PPM1B: variants seen among roughly 807,000 people sequenced by gnomAD.
PPM1B encodes the protein protein phosphatase 1B.
PPM1B carries 22 observed loss-of-function variants against 43.0 expected under a neutral mutation model. That is an observed-to-expected ratio of 0.51 (90% CI 0.37 to 0.73). The LOEUF (loss-of-function observed/expected upper bound fraction) is 0.73, where lower values mean the gene tolerates loss of function less well. Among genes scored for constraint, PPM1B ranks in the 30% least tolerant of loss-of-function variants. PPM1B has a pLI of 0.00. For synonymous variants in PPM1B, 217 were observed against 197.9 expected (o/e 1.10, Z -0.81); for missense variants, 632 against 584.2 (o/e 1.08, Z -0.84).
chr2:44,232,874 C>T (rs1670507624), downstream of PPM1B: 1 of 973,842 alleles, frequency 1.0e-6, no homozygotes, highest in Non-Finnish European at 1.2e-6. Context: ...AATTTTTTTC[C>T]AATTTTACCT....
At chr2:44,184,730 G>C (rs763829899) in intron 1 of PPM1B, among the ~76,000 whole-genome samples, 5 of 151,948 alleles carry the variant, frequency 3.3e-5, no homozygotes, top group East Asian at 3.9e-4. Flanking sequence ...TCTTAAGCTG[G>C]AGCCCACAGA....
chr2:44,205,187 A>G (rs1393739225), intron 2 of PPM1B, among the ~76,000 whole-genome samples: 1 of 152,190 alleles, frequency 6.6e-6, no homozygotes, highest in African/African-American at 2.4e-5. Flanking sequence ...TTAATTTGCA[A>G]GTAAGGAAAT....
rs551310649 is a variant in PPM1B, at chr2:44,229,287, A to C, written c.1135-1126A>C. 2.4e-4 allele frequency among the ~76,000 whole-genome samples: 37 copies of C among 152,248 alleles called. No individual in the cohort carries two copies. The South Asian group carries it at 7.5e-3, about 31-fold the overall frequency. ...ATTTATTTTTAATTTTTGTGGGTAC[A>C]CTGTAGGTGTATAAAAAAATAAATT... On this transcript the variant is annotated intron_variant, in intron 5 of 5. Coordinates refer to ENST00000282412, the MANE Select transcript of PPM1B (RefSeq NM_002706.6).
Position 44,177,337 on chromosome 2 carries a change from G to C in PPM1B, c.-15+8063G>C, listed in dbSNP as rs1200743535. 2.0e-5 allele frequency among the ~76,000 whole-genome samples: 3 copies of C among 151,244 alleles called. No individual in the cohort carries two copies. The East Asian group carries it at 5.8e-4, about 29-fold the overall frequency. ...TTTATTAAGTCTTTGGTGGTTGCTA[G>C]TCCTAAACTTAAGGAAATTGAGTTT... On this transcript the variant is annotated intron_variant, in intron 1 of 5. Coordinates refer to ENST00000282412, the MANE Select transcript of PPM1B (RefSeq NM_002706.6).
At chr2:44,185,424 G>T (rs1181133057) in intron 1 of PPM1B, among the ~76,000 whole-genome samples, 1 of 152,154 alleles carries the variant, frequency 6.6e-6, no homozygotes, top group African/African-American at 2.4e-5. Context: ...TATTCAGTGT[G>T]ATAGATTTTT....
intron 5 of PPM1B, 168 bp from the exon 6 acceptor site, chr2:44,230,245 G>T: frequency 7.0e-7 from 1 of 1,423,788 alleles, no homozygotes. Flanking sequence ...ATTATTGGAA[G>T]TTTTTATTAA....
At chr2:44,185,717 G>T (rs1484581738) in intron 1 of PPM1B, among the ~76,000 whole-genome samples, 5 of 151,750 alleles carry the variant, frequency 3.3e-5, no homozygotes, top group Non-Finnish European at 5.9e-5. Context: ...AGCTTTTGGA[G>T]AATTATTGAA....
chr2:44,214,176 T>C (rs1669613174), intron 3 of PPM1B, among the ~76,000 whole-genome samples: 1 of 152,132 alleles, frequency 6.6e-6, no homozygotes, highest in South Asian at 2.1e-4. Flanking sequence ...GCTGCCCGGG[T>C]TCACACCATT....
In PPM1B at chr2:44,205,344, TGTGGG is replaced by T. The variant is rs1669129979; in HGVS notation, c.846+3300_846+3304del. Among the ~76,000 whole-genome samples the T allele has an allele frequency of 4.8e-5, 7 of 146,642 alleles. No individual in the cohort carries two copies. The South Asian group carries it at 1.5e-3, about 32-fold the overall frequency. On this transcript the variant is annotated intron_variant, in intron 2 of 5. Coordinates refer to ENST00000282412, the MANE Select transcript of PPM1B (RefSeq NM_002706.6). ...TAAAATAAAGAAGAGTGGGTGTGGG[TGTGGG>T]TGTGGGTGTGTGTGTGTGTGTGTGT...
intron 1 of PPM1B, among the ~76,000 whole-genome samples, chr2:44,192,280 C>T (rs1668444656): frequency 2.0e-5 from 3 of 151,662 alleles, no homozygotes; most frequent in South Asian, 2.1e-4. Context: ...TGCAGTGGCA[C>T]GATCTCGGCT....
chr2:44,245,050 T>C (rs909873275), downstream of PPM1B, among the ~76,000 whole-genome samples: 2 of 152,064 alleles, frequency 1.3e-5, no homozygotes, highest in African/African-American at 4.8e-5. Context: ...CCATGCTGAT[T>C]GCTTTAACAC....
At chr2:44,198,878 G>T (rs1668786481) in intron 1 of PPM1B, among the ~76,000 whole-genome samples, 1 of 152,164 alleles carries the variant, frequency 6.6e-6, no homozygotes, top group South Asian at 2.1e-4. Context: ...AAGGGAGAAT[G>T]AATTAGTTTA....
Position 44,192,096 on chromosome 2 carries a change from AT to A in PPM1B, c.-14-9078del, listed in dbSNP as rs375145235. 9.1e-3 allele frequency among the ~76,000 whole-genome samples: 851 copies of A among 93,716 alleles called. 3 individuals are homozygous for A. The highest frequency in any genetic ancestry group is 0.023 in the African/African-American group (560 of 24,886). The allele number at this position is 93,716 out of a possible 152,430, so 61.5% of individuals were successfully genotyped here. A position where few individuals can be genotyped will look rare whatever the true frequency, so the allele number is the denominator to read the frequency against. On this transcript the variant is annotated intron_variant, in intron 1 of 5. Coordinates refer to ENST00000282412, the MANE Select transcript of PPM1B (RefSeq NM_002706.6). Reference sequence around the variant, plus strand: ...AGGGGTCTGGGGGATTTTACTTTTGATTTTTTTTTTTTCAGTTTGATTTTCT... The same window carrying A: ...AGGGGTCTGGGGGATTTTACTTTTGATTTTTTTTTTTCAGTTTGATTTTCT...
chr2:44,200,795 CAT>C (rs1668896674), intron 1 of PPM1B, among the ~76,000 whole-genome samples: 1 of 152,206 alleles, frequency 6.6e-6, no homozygotes, highest in Admixed American at 6.5e-5. Context: ...TGTAAACTTA[CAT>C]GTCGAACCCT....
chr2:44,227,450 A>G (rs1467971847), intron 5 of PPM1B, among the ~76,000 whole-genome samples: 2 of 151,966 alleles, frequency 1.3e-5, no homozygotes, highest in African/African-American at 4.8e-5. Context: ...GTATTTTTAC[A>G]TATGCTAACA....
At chr2:44,206,572 G>A (rs114411219) in intron 2 of PPM1B, among the ~76,000 whole-genome samples, 503 of 152,140 alleles carry the variant, frequency 3.3e-3, no homozygotes, top group African/African-American at 0.012. Context: ...TACAAAAATC[G>A]AATGGAAATT....
At chr2:44,182,787 G>T (rs1667946319) in intron 1 of PPM1B, among the ~76,000 whole-genome samples, 1 of 151,982 alleles carries the variant, frequency 6.6e-6, no homozygotes. Context: ...TGTAGAATTG[G>T]ACCGTGATGT....
chr2:44,170,997 T>C (rs1667313994), intron 1 of PPM1B, among the ~76,000 whole-genome samples: 1 of 152,234 alleles, frequency 6.6e-6, no homozygotes, highest in African/African-American at 2.4e-5. Context: ...TCATTTGTTT[T>C]TGCTCTCATG....
intron 3 of PPM1B, among the ~76,000 whole-genome samples, chr2:44,210,215 A>AT (rs11322876): frequency 0.013 from 1,760 of 136,234 alleles, 18 homozygotes; most frequent in East Asian, 0.031. Context: ...TTGGCAATAA[A>AT]TTTTTTTTTT....
Sources: allele counts gnomAD v4.1 joint callset (sites outside exome capture counted in the v4.1 genomes callset), GRCh38; gene constraint gnomAD v4.1.1; transcripts MANE v1.5; gene names NCBI Gene and HGNC (gene_info 2026-07-23, HGNC 2026-07-21).